The following NCK1 variants were observed in gnomAD, a reference collection of about 807,000 sequenced individuals.
NCK1 encodes SH2/SH3 adapter protein NCK1.
NCK1 carries 19 observed loss-of-function variants against 36.6 expected under a neutral mutation model. That is an observed-to-expected ratio of 0.52 (90% CI 0.36 to 0.76). NCK1 has a LOEUF of 0.76. Ranked by LOEUF, NCK1 falls within the 30% of genes least tolerant of loss-of-function variation. The pLI is 0.00. For missense variants in NCK1, 358 were observed against 445.6 expected, an observed-to-expected ratio of 0.80 and a Z score of 1.77; for synonymous variants, 165 against 156.0, an observed-to-expected ratio of 1.06 and a Z score of -0.43.
intron 1 of NCK1, among the ~76,000 whole-genome samples, chr3:136,882,736 CATAT>C (rs1177891702): frequency 6.6e-6 from 1 of 152,140 alleles, no homozygotes; most frequent in Non-Finnish European, 1.5e-5. Flanking sequence ...CTAGAAGTGG[CATAT>C]ATCACTTTTA....
intron 1 of NCK1, among the ~76,000 whole-genome samples, chr3:136,913,180 C>G (rs1939874170): frequency 6.6e-6 from 1 of 151,928 alleles, no homozygotes; most frequent in African/African-American, 2.4e-5. Context: ...CTTTGTATCC[C>G]TTTTTGTTGT....
intron 1 of NCK1, among the ~76,000 whole-genome samples, chr3:136,903,258 A>C (rs1939594244): frequency 6.6e-6 from 1 of 152,198 alleles, no homozygotes; most frequent in Admixed American, 6.5e-5. Context: ...GTTTGATACA[A>C]GTATAGCTAC....
intron 1 of NCK1, among the ~76,000 whole-genome samples, chr3:136,890,266 G>A (rs1269583468): frequency 1.3e-5 from 2 of 152,130 alleles, no homozygotes; most frequent in East Asian, 3.9e-4. Context: ...CTGTCCGGCC[G>A]GCAGGGCCGG....
At chr3:136,895,456 TA>T (rs1362687638) in intron 1 of NCK1, among the ~76,000 whole-genome samples, 1 of 151,904 alleles carries the variant, frequency 6.6e-6, no homozygotes. Context: ...ACCACCTTTT[TA>T]AAAAAAAGGT....
intron 1 of NCK1, among the ~76,000 whole-genome samples, chr3:136,891,426 C>T (rs896845954): frequency 7.2e-5 from 11 of 152,238 alleles, no homozygotes; most frequent in East Asian, 1.9e-4. Context: ...TGAGCCACCA[C>T]GCCTGGCCTG....
At chr3:136,940,856 A>G (rs1004961459) in intron 2 of NCK1, among the ~76,000 whole-genome samples, 1 of 151,988 alleles carries the variant, frequency 6.6e-6, no homozygotes, top group East Asian at 1.9e-4. Flanking sequence ...ATGCTGTGTG[A>G]TATTTATATA....
At chr3:136,882,177 C>G (rs887422652) in intron 1 of NCK1, among the ~76,000 whole-genome samples, 1 of 151,882 alleles carries the variant, frequency 6.6e-6, no homozygotes. Flanking sequence ...TACATTTTCA[C>G]TAACACTTGT....
At chr3:136,917,007 TAAAC>T (rs1939982354) in intron 1 of NCK1, among the ~76,000 whole-genome samples, 1 of 152,308 alleles carries the variant, frequency 6.6e-6, no homozygotes, top group East Asian at 1.9e-4. Flanking sequence ...TAGGGTAAGA[TAAAC>T]AAGTTGCCTA....
intron 1 of NCK1, among the ~76,000 whole-genome samples, chr3:136,895,233 C>T (rs1392782725): frequency 1.3e-5 from 2 of 152,112 alleles, no homozygotes; most frequent in African/African-American, 2.4e-5. Context: ...ACGTAGTCAA[C>T]TATATGATTC....
At chr3:136,929,065 T>C (rs866136086) in intron 2 of NCK1, among the ~76,000 whole-genome samples, 1 of 152,102 alleles carries the variant, frequency 6.6e-6, no homozygotes. Flanking sequence ...GAAATACTGT[T>C]GACTCACTAC....
chr3:136,945,047 A>C (rs1940774970), intron 2 of NCK1, among the ~76,000 whole-genome samples: 1 of 152,252 alleles, frequency 6.6e-6, no homozygotes, highest in East Asian at 1.9e-4. Context: ...CATATGAGGT[A>C]AATAGAGCTA....
intron 1 of NCK1, among the ~76,000 whole-genome samples, chr3:136,926,265 T>A (rs1016083547): frequency 6.7e-6 from 1 of 148,308 alleles, no homozygotes; most frequent in East Asian, 1.9e-4. Flanking sequence ...TATTTTAAAT[T>A]TTATTATTAT....
At chr3:136,893,554 G>T (rs1939312218) in intron 1 of NCK1, among the ~76,000 whole-genome samples, 1 of 152,112 alleles carries the variant, frequency 6.6e-6, no homozygotes, top group South Asian at 2.1e-4. Context: ...TTTGTCAGAT[G>T]TATAGATGGT....
At chr3:136,933,229 T>C (rs557410547) in intron 2 of NCK1, among the ~76,000 whole-genome samples, 6 of 152,184 alleles carry the variant, frequency 3.9e-5, no homozygotes, top group Non-Finnish European at 8.8e-5. Context: ...TGCTCCCTTA[T>C]GTGTGTGTTG....
chr3:136,927,790 A>T (rs1056185656), intron 1 of NCK1, among the ~76,000 whole-genome samples, 194 bp from the exon 2 acceptor site: 6 of 152,210 alleles, frequency 3.9e-5, no homozygotes, highest in African/African-American at 1.4e-4. Flanking sequence ...AAGTGCTGGG[A>T]TTACAGGCAT....
intron 1 of NCK1, among the ~76,000 whole-genome samples, chr3:136,875,244 C>G (rs891498592): frequency 3.9e-5 from 6 of 152,114 alleles, no homozygotes; most frequent in African/African-American, 1.4e-4. Context: ...TGAGACTTTG[C>G]TGAAGTTGCT....
At position 136,894,414 on chromosome 3, in the gene NCK1, C is replaced by A. The variant is rs143909257; in HGVS notation, c.-19+32061C>A. Among the ~76,000 whole-genome samples the A allele has an allele frequency of 5.2e-3, 797 of 152,280 alleles. 3 individuals carry two copies. Among genetic ancestry groups the A allele is most frequent in the Admixed American group, 8.1e-3 (124 of 15,292 alleles). Reference sequence around the variant, plus strand: ...AGTGCATATGCTGCATCCCAAATGACCAGCAGAATGACTTCTTAATCGAGC... The same window carrying A: ...AGTGCATATGCTGCATCCCAAATGAACAGCAGAATGACTTCTTAATCGAGC... On this transcript the variant is annotated intron_variant, in intron 1 of 3. Coordinates refer to ENST00000481752, the MANE Select transcript of NCK1 (RefSeq NM_001291999.2).
In NCK1 at chr3:136,948,488, A is replaced by T; in HGVS notation, c.*35A>T. The T allele has an allele frequency of 6.4e-7, 1 of 1,562,366 alleles. No individual in the cohort carries two copies. Among genetic ancestry groups the T allele is most frequent in the African/African-American group, 1.4e-5 (1 of 73,260 alleles). On this transcript the variant is annotated 3_prime_UTR_variant, in exon 4 of 4. Coordinates refer to ENST00000481752, the MANE Select transcript of NCK1 (RefSeq NM_001291999.2). ...CCAGAAGTGACTGCTGTGTAGCTGT[A>T]ATTTGTCATGTAATTGAAGACTGAG...
chr3:136,950,090 A>T lies in NCK1; in HGVS notation c.*1637A>T, dbSNP rs1940933588. ...TAAGTTTTTAATGGAAATAAAAATC[A>T]TGTATGCTTATCTTTGCTGTAAAAT... On this transcript the variant is annotated 3_prime_UTR_variant, in exon 4 of 4. Transcript: ENST00000481752. 1.3e-5 allele frequency among the ~76,000 whole-genome samples: 2 copies of T among 152,116 alleles called. No homozygotes were observed. The highest frequency in any genetic ancestry group is 4.8e-5 in the African/African-American group (2 of 41,450).
Sources: gnomAD v4.1 joint callset for allele counts (sites outside exome capture counted in the v4.1 genomes callset) on GRCh38, gnomAD v4.1.1 for gene constraint, MANE v1.5 for transcripts, NCBI Gene and HGNC (gene_info 2026-07-23, HGNC 2026-07-21) for gene names.